PHEX: variants seen among roughly 807,000 people sequenced by gnomAD.
The protein encoded by PHEX is phosphate regulating endopeptidase X-linked.
A neutral mutation model predicts 68.0 loss-of-function variants in PHEX; 16 were observed. That is an observed-to-expected ratio of 0.24 (90% CI 0.16 to 0.36). The LOEUF (loss-of-function observed/expected upper bound fraction) is 0.36. Among genes scored for constraint, PHEX ranks in the 10% least tolerant of loss-of-function variants. The probability of loss-of-function intolerance (pLI) is 1.00; values close to 1 mark genes in which losing one functional copy is unlikely to be tolerated. For missense variants in PHEX, 480 were observed against 575.5 expected, an observed-to-expected ratio of 0.83 and a Z score of 1.70; for synonymous variants, 208 against 205.1, an observed-to-expected ratio of 1.01 and a Z score of -0.12.
chrX:22,168,920 T>G (rs1933429288), intron 13 of PHEX, among the ~76,000 whole-genome samples: 1 of 111,933 alleles, frequency 8.9e-6, no homozygotes, highest in African/African-American at 3.2e-5. Context: ...CATAATTCTT[T>G]TTTATTTCAA....
chrX:22,065,666 C>T (rs773883140), intron 3 of PHEX, among the ~76,000 whole-genome samples: 50 of 111,755 alleles, frequency 4.5e-4, no homozygotes, highest in Non-Finnish European at 7.5e-4. Context: ...CCTCGTGATC[C>T]GCCTGCCTCG....
chrX:22,240,987 C>A (rs150642567), intron 20 of PHEX, among the ~76,000 whole-genome samples: 3,516 of 112,052 alleles, frequency 0.031, 133 homozygotes, highest in African/African-American at 0.11. Context: ...TTCTCAGCAC[C>A]ACATCACACT....
At chrX:22,164,400 T>G (rs1933242771) in intron 12 of PHEX, among the ~76,000 whole-genome samples, 1 of 111,832 alleles carries the variant, frequency 8.9e-6, no homozygotes, top group South Asian at 3.8e-4. Flanking sequence ...CTTTGGGAGG[T>G]AAATAGGGAT....
chrX:22,054,633 C>A (rs997639494), intron 3 of PHEX, among the ~76,000 whole-genome samples: 3 of 111,449 alleles, frequency 2.7e-5, no homozygotes, highest in African/African-American at 9.8e-5. Context: ...TCAGATCATG[C>A]TGGCTCTTTT....
chrX:22,248,737 A>C lies in PHEX; in HGVS notation c.*784A>C, dbSNP rs1189562096. 8.9e-6 allele frequency: 1 copy of C among 112,235 alleles called. No homozygotes were observed. The highest frequency in any genetic ancestry group is 1.9e-5 in the Non-Finnish European group (1 of 53,306). The allele number at this position is 112,235 out of a possible 1,213,427, so 9.2% of individuals were successfully genotyped here. Reference sequence around the variant, plus strand: ...GTTACATAACAGCAGGGAAACTAGGAGATGAAATCTCCAAAATTTTGTCCA... The same window carrying C: ...GTTACATAACAGCAGGGAAACTAGGCGATGAAATCTCCAAAATTTTGTCCA... On this transcript the variant is annotated 3_prime_UTR_variant, in exon 22 of 22. Transcript: ENST00000379374.
intron 2 of PHEX, among the ~76,000 whole-genome samples, chrX:22,043,717 G>A (rs893894401): frequency 1.8e-5 from 2 of 111,686 alleles, no homozygotes; most frequent in Non-Finnish European, 3.8e-5. Flanking sequence ...ACAGAGGCTG[G>A]TATTTAGGGA....
At chrX:22,194,872 G>C (rs1934312627) in intron 15 of PHEX, among the ~76,000 whole-genome samples, 1 of 112,251 alleles carries the variant, frequency 8.9e-6, no homozygotes, top group Non-Finnish European at 1.9e-5. Context: ...TGCTGTATGA[G>C]GAGTTAAACT....
chrX:22,127,716 A>G (rs1238617974), intron 11 of PHEX, among the ~76,000 whole-genome samples: 1 of 110,583 alleles, frequency 9.0e-6, no homozygotes, highest in Non-Finnish European at 1.9e-5. Context: ...AAAAAAAAAA[A>G]TTGAGAACCT....
intron 12 of PHEX, among the ~76,000 whole-genome samples, chrX:22,139,811 A>T (rs1454649740): frequency 9.1e-6 from 1 of 109,571 alleles, no homozygotes; most frequent in South Asian, 3.9e-4. Context: ...AAATGCTGGG[A>T]TTACAGTGTG....
intron 12 of PHEX, among the ~76,000 whole-genome samples, chrX:22,136,326 C>T (rs1344905649): frequency 8.9e-6 from 1 of 111,861 alleles, no homozygotes; most frequent in Non-Finnish European, 1.9e-5. Flanking sequence ...CTTTCTGATA[C>T]TGAGTAGCCC....
intron 3 of PHEX, among the ~76,000 whole-genome samples, chrX:22,064,996 A>G (rs1173686933): frequency 1.8e-5 from 2 of 112,500 alleles, no homozygotes; most frequent in Non-Finnish European, 3.7e-5. Context: ...ATGAATTTGT[A>G]ATGATGGACT....
chrX:22,090,485 A>G lies in PHEX; in HGVS notation c.720A>G (p.Thr240=). 1 of 1,195,787 alleles carries G rather than the reference A, an allele frequency of 8.4e-7. No individual in the cohort carries two copies. Among genetic ancestry groups the G allele is most frequent in the Non-Finnish European group, 1.1e-6 (1 of 880,682 alleles). The change falls in exon 6 of 22, where the codon ACA becomes ACG. Residue 240 remains threonine, a synonymous_variant. Coordinates refer to ENST00000379374, the MANE Select transcript of PHEX (RefSeq NM_000444.6). ...AVREDYLDNS[T]EAKSYRDALY... The stretch of plus-strand genomic sequence containing the variant: ...GGGAAGACTACCTTGATAACAGTAC[A>G]GAAGCCAAGTCTGTAAGTTTTACTC...
chrX:22,205,284 C>T (rs7889222), intron 15 of PHEX, among the ~76,000 whole-genome samples: 12,306 of 111,239 alleles, frequency 0.11, 738 homozygotes, highest in African/African-American at 0.23. Context: ...TGTCATTTGC[C>T]CCTGGCTCTG....
intron 3 of PHEX, among the ~76,000 whole-genome samples, chrX:22,072,973 T>C (rs1270825995): frequency 1.8e-5 from 2 of 112,242 alleles, no homozygotes; most frequent in African/African-American, 6.5e-5. Context: ...TTAACACTGA[T>C]TGCAAAATAT....
chrX:22,094,411 C>G (rs540587751), intron 7 of PHEX, among the ~76,000 whole-genome samples: 1 of 111,830 alleles, frequency 8.9e-6, no homozygotes, highest in African/African-American at 3.2e-5. Flanking sequence ...ACCGTTTTTC[C>G]TGGAGAAACT....
At chrX:22,056,024 A>G (rs1052251743) in intron 3 of PHEX, among the ~76,000 whole-genome samples, 14 of 112,459 alleles carry the variant, frequency 1.2e-4, no homozygotes, top group African/African-American at 4.5e-4. Flanking sequence ...TAAGTTGGGT[A>G]TGCTTGGTAA....
intron 17 of PHEX, among the ~76,000 whole-genome samples, chrX:22,220,871 T>G (rs995766063): frequency 9.8e-5 from 11 of 112,418 alleles, no homozygotes; most frequent in African/African-American, 3.6e-4. Flanking sequence ...ATTCTCATAG[T>G]AACCCTGAAT....
At chrX:22,187,984 C>T (rs181971376) in intron 14 of PHEX, among the ~76,000 whole-genome samples, 3 of 111,142 alleles carry the variant, frequency 2.7e-5, no homozygotes, top group Non-Finnish European at 5.7e-5. Context: ...CCTATGTTGC[C>T]ATGGGGAAAA....
chrX:22,204,550 ATTTG>A (rs1265148692), intron 15 of PHEX, among the ~76,000 whole-genome samples: 1 of 111,853 alleles, frequency 8.9e-6, no homozygotes, highest in Non-Finnish European at 1.9e-5. Context: ...CTCTGAGGAC[ATTTG>A]TTTGTTCGAA....
Sources: allele counts gnomAD v4.1 joint callset (sites outside exome capture counted in the v4.1 genomes callset), GRCh38; gene constraint gnomAD v4.1.1; transcripts MANE v1.5; gene names NCBI Gene and HGNC (gene_info 2026-07-23, HGNC 2026-07-21).